Variants in RALGAPA2 observed in about 807,000 individuals in gnomAD.
RALGAPA2 encodes the protein ral GTPase-activating protein subunit alpha-2.
RALGAPA2 carries 139 observed loss-of-function variants against 230.4 expected under a neutral mutation model. That is an observed-to-expected ratio of 0.60 (90% CI 0.53 to 0.69). The LOEUF (loss-of-function observed/expected upper bound fraction) is 0.69, where lower values mean the gene tolerates loss of function less well. Ranked by LOEUF, RALGAPA2 falls within the 30% of genes least tolerant of loss-of-function variation. The pLI, the probability that RALGAPA2 is intolerant of heterozygous loss-of-function variation, is 0.00. For synonymous variants in RALGAPA2, 847 were observed against 837.8 expected (o/e 1.01, Z -0.19); for missense variants, 2,163 against 2,276.0 (o/e 0.95, Z 1.01).
chr20:20,603,071 C>A (rs1209825751), intron 15 of RALGAPA2, among the ~76,000 whole-genome samples: 1 of 152,164 alleles, frequency 6.6e-6, no homozygotes, highest in African/African-American at 2.4e-5. Flanking sequence ...TCAGAGAGGA[C>A]TAGATGGACG....
At chr20:20,517,767 T>C (rs1360179399) in intron 31 of RALGAPA2, among the ~76,000 whole-genome samples, 1 of 139,072 alleles carries the variant, frequency 7.2e-6, no homozygotes, top group East Asian at 2.1e-4. Flanking sequence ...TAGGCTATAA[T>C]AAACTATAAA....
At chr20:20,495,038 T>C (rs2062164381) in intron 36 of RALGAPA2, 79 bp downstream of exon 36, 72 of 1,321,572 alleles carry the variant, frequency 5.4e-5, no homozygotes, top group Non-Finnish European at 7.3e-5. Context: ...TTAACATATT[T>C]GTATCACTGA....
At chr20:20,495,848 C>T (rs1045734116) in intron 35 of RALGAPA2, among the ~76,000 whole-genome samples, 14 of 152,198 alleles carry the variant, frequency 9.2e-5, no homozygotes, top group African/African-American at 2.7e-4. Flanking sequence ...AAGAACACTC[C>T]TACCTAGCAT....
In RALGAPA2 at chr20:20,700,930, A is replaced by T. The variant is rs538733338; in HGVS notation, c.106+11445T>A. Among the ~76,000 whole-genome samples, 4 of 152,326 alleles carry T rather than the reference A, an allele frequency of 2.6e-5. No homozygotes were observed. In the East Asian group the frequency reaches 7.7e-4, roughly 29 times the overall value. ...GCTTTCAGGAATTGTTTAAGCCATG[A>T]CGGACCAGCTCAACTCCCCAGTAGA... On this transcript the variant is annotated intron_variant, in intron 1 of 39. Transcript: ENST00000202677.
At chr20:20,633,323 C>T (rs531736450) in intron 9 of RALGAPA2, among the ~76,000 whole-genome samples, 5 of 152,026 alleles carry the variant, frequency 3.3e-5, no homozygotes, top group South Asian at 2.1e-4. Context: ...TTTGTAGAGA[C>T]GGCATTTCAC....
At chr20:20,546,650 T>G in intron 24 of RALGAPA2, 54 bp downstream of exon 24, 1 of 1,516,386 alleles carries the variant, frequency 6.6e-7, no homozygotes. Flanking sequence ...CTGAACCTTG[T>G]TAGCGATTGT....
intron 1 of RALGAPA2, among the ~76,000 whole-genome samples, chr20:20,702,574 T>C (rs1230950708): frequency 2.6e-5 from 4 of 152,202 alleles, no homozygotes; most frequent in Non-Finnish European, 5.9e-5. Context: ...ACTCCTGCAG[T>C]GCTCAGTAAT....
At chr20:20,619,503 AACTAAG>A in intron 11 of RALGAPA2, 89 bp from the exon 12 acceptor site, 1 of 1,007,840 alleles carries the variant, frequency 9.9e-7, no homozygotes, top group Non-Finnish European at 1.3e-6. Context: ...ATATTATATA[AACTAAG>A]TTATATTTAG....
chr20:20,605,068 T>G lies in RALGAPA2; in HGVS notation c.2038+107A>C, dbSNP rs1009921222. ...CCACTATTAAGAAGACACTGTGTAG[T>G]TGGTTCAGTTCATTATAAAATTTCG... is the stretch of plus-strand genomic sequence containing the variant. On this transcript the variant is annotated intron_variant, in intron 15 of 39. Transcript: ENST00000202677. The G allele has an allele frequency of 9.5e-6, 8 of 841,362 alleles. No individual in the cohort carries two copies. The African/African-American group carries it at 1.2e-4, about 12-fold the overall frequency. The allele number at this position is 841,362 out of a possible 1,614,324, so 52.1% of individuals were successfully genotyped here. A position where few individuals can be genotyped will look rare whatever the true frequency, so the allele number is the denominator to read the frequency against.
At chr20:20,602,899 C>T (rs1359582838) in intron 15 of RALGAPA2, among the ~76,000 whole-genome samples, 1 of 151,782 alleles carries the variant, frequency 6.6e-6, no homozygotes, top group Non-Finnish European at 1.5e-5. Context: ...GAAGGTAGGT[C>T]CTTATCTCCT....
intron 37 of RALGAPA2, among the ~76,000 whole-genome samples, chr20:20,423,854 T>A (rs954548602): frequency 1.3e-5 from 2 of 152,120 alleles, no homozygotes. Flanking sequence ...GTATAAGATA[T>A]TAGATTAAGT....
Position 20,521,004 on chromosome 20 carries a change from A to AG in RALGAPA2, c.3996dup (p.Phe1333LeufsTer11), listed in dbSNP as rs1478247118. 1 of 1,613,970 alleles carries AG rather than the reference A, an allele frequency of 6.2e-7. No homozygotes were observed. The highest frequency in any genetic ancestry group is 8.5e-7 in the Non-Finnish European group (1 of 1,179,860). ...CTCTTCACATTTGCCAGTGGCAGGA[A>AG]GGGGTCATAATCCGTGGATGACAAG... On this transcript the variant is annotated frameshift_variant, in exon 31 of 40. Coordinates refer to ENST00000202677, the MANE Select transcript of RALGAPA2 (RefSeq NM_020343.4). LOFTEE classifies it high-confidence loss of function.
intron 36 of RALGAPA2, among the ~76,000 whole-genome samples, chr20:20,487,536 C>T (rs2061942862): frequency 6.6e-6 from 1 of 152,124 alleles, no homozygotes; most frequent in Admixed American, 6.6e-5. Context: ...CTTCCAATTC[C>T]AACTTAGATG....
intron 37 of RALGAPA2, among the ~76,000 whole-genome samples, chr20:20,452,193 T>C (rs2061002315): frequency 6.6e-6 from 1 of 152,146 alleles, no homozygotes; most frequent in Non-Finnish European, 1.5e-5. Flanking sequence ...AAATAGAAAT[T>C]TAAAATAACT....
chr20:20,413,978 A>C (rs190087861), intron 37 of RALGAPA2, among the ~76,000 whole-genome samples: 1 of 152,378 alleles, frequency 6.6e-6, no homozygotes, highest in African/African-American at 2.4e-5. Flanking sequence ...CTTATTCTGC[A>C]CAGCACTTGG....
intron 8 of RALGAPA2, among the ~76,000 whole-genome samples, chr20:20,635,886 T>C (rs1373133295): frequency 6.6e-6 from 1 of 152,232 alleles, no homozygotes; most frequent in Admixed American, 6.5e-5. Flanking sequence ...CAACTATTTT[T>C]AACAATTTTG....
In RALGAPA2 at chr20:20,406,738, CCT is replaced by C. The variant is rs973133144; in HGVS notation, c.5617+5287_5617+5288del. Among the ~76,000 whole-genome samples the C allele has an allele frequency of 1.4e-4, 22 of 152,216 alleles. No homozygotes were observed. In the East Asian group the frequency reaches 2.9e-3, roughly 20 times the overall value. Reference sequence around the variant, plus strand: ...ACCAGCCTGGGTAACATGGTGAACCCCTGTCTCTATAAGAAATACAGAAATTA... The same window carrying C: ...ACCAGCCTGGGTAACATGGTGAACCCGTCTCTATAAGAAATACAGAAATTA... On this transcript the variant is annotated intron_variant, in intron 38 of 39. Transcript: ENST00000202677.
rs571706916 is a variant in RALGAPA2, at chr20:20,491,393, G to A, written c.5367+3724C>T. ...CTTGTCTCAACTGCTCCTGCTCAAG[G>A]CTGCTTCTGAACACCTACCCTCTGG... On this transcript the variant is annotated intron_variant, in intron 36 of 39. Transcript: ENST00000202677. 2.6e-5 allele frequency among the ~76,000 whole-genome samples: 4 copies of A among 152,210 alleles called. 1 individual carries two copies. Among genetic ancestry groups the A allele is most frequent in the African/African-American group, 9.6e-5 (4 of 41,522 alleles).
intron 23 of RALGAPA2, among the ~76,000 whole-genome samples, chr20:20,554,152 T>C (rs1169049447): frequency 6.6e-6 from 1 of 152,162 alleles, no homozygotes; most frequent in Non-Finnish European, 1.5e-5. Flanking sequence ...AGCAACTATT[T>C]CCCATTTCTC....
Sources: allele counts gnomAD v4.1 joint callset (sites outside exome capture counted in the v4.1 genomes callset), GRCh38; gene constraint gnomAD v4.1.1; transcripts MANE v1.5; gene names NCBI Gene and HGNC (gene_info 2026-07-23, HGNC 2026-07-21).